MOV10L1: variants seen among roughly 807,000 people sequenced by gnomAD.
The protein encoded by MOV10L1 is Mov10 like RNA helicase 1.
In MOV10L1, 110 loss-of-function variants were observed where a neutral mutation model predicts 143.8. The ratio of observed to expected loss-of-function variants is 0.76; its 90% confidence interval spans 0.66 to 0.90. The LOEUF (loss-of-function observed/expected upper bound fraction) is 0.90. Ranked by LOEUF, MOV10L1 falls within the 40% of genes least tolerant of loss-of-function variation. The probability of loss-of-function intolerance (pLI) is 0.00; values close to 1 mark genes in which losing one functional copy is unlikely to be tolerated. For missense variants in MOV10L1, 1,406 were observed against 1,526.8 expected (o/e 0.92, Z 1.32); for synonymous variants, 593 against 581.1 (o/e 1.02, Z -0.29).
At chr22:50,161,251 A>G (rs570066821) in intron 26 of MOV10L1, 117 bp from the exon 27 acceptor site, 16 of 1,033,716 alleles carry the variant, frequency 1.5e-5, no homozygotes, top group East Asian at 1.3e-4. Context: ...CCTTTCCCAC[A>G]TAGGCTAACA....
At chr22:50,099,918 A>C (rs2062694480) in intron 3 of MOV10L1, among the ~76,000 whole-genome samples, 1 of 152,186 alleles carries the variant, frequency 6.6e-6, no homozygotes, top group Admixed American at 6.5e-5. Flanking sequence ...TGCTGGCTTC[A>C]CACAGAGGCT....
intron 5 of MOV10L1, chr22:50,109,670 CAAAA>C (rs35087419): frequency 2.9e-3 from 308 of 107,064 alleles, no homozygotes; most frequent in Middle Eastern, 8.4e-3. Flanking sequence ...GACTCCTTCT[CAAAA>C]AAAAAAAAAA....
intron 20 of MOV10L1, 52 bp downstream of exon 20, chr22:50,149,766 G>A: frequency 6.6e-7 from 1 of 1,519,378 alleles, no homozygotes; most frequent in South Asian, 1.2e-5. Flanking sequence ...GTTCTCCTGA[G>A]GGGATGCAGG....
chr22:50,161,151 A>C, intron 26 of MOV10L1, 96 bp downstream of exon 26: 1 of 1,294,144 alleles, frequency 7.7e-7, no homozygotes, highest in South Asian at 1.2e-5. Context: ...CCACTTACCC[A>C]CCTGCAGCCT....
intron 22 of MOV10L1, among the ~76,000 whole-genome samples, chr22:50,155,972 G>T (rs961946158): frequency 2.0e-5 from 3 of 152,186 alleles, no homozygotes; most frequent in Admixed American, 2.0e-4. Context: ...GATCACCTGA[G>T]CCTGGAGAGG....
chr22:50,117,045 G>A, intron 8 of MOV10L1, 112 bp from the exon 9 acceptor site: 1 of 903,312 alleles, frequency 1.1e-6, no homozygotes, highest in Non-Finnish European at 1.7e-6. Flanking sequence ...AATTATTGAA[G>A]ACTAAAGATG....
chr22:50,142,889 T>C (rs2063031527), intron 16 of MOV10L1, among the ~76,000 whole-genome samples, 154 bp from the exon 17 acceptor site: 1 of 152,038 alleles, frequency 6.6e-6, no homozygotes, highest in South Asian at 2.1e-4. Flanking sequence ...CCTGTGCGCA[T>C]CTTACCCCTG....
chr22:50,108,743 G>A lies in MOV10L1; in HGVS notation c.642G>A (p.Gly214=), dbSNP rs764814429. 13 of 1,614,202 alleles carry A rather than the reference G, an allele frequency of 8.1e-6. No homozygotes were observed. Among genetic ancestry groups the A allele is most frequent in the Admixed American group, 3.3e-5 (2 of 60,016 alleles). Residue 214 remains glycine (G), a synonymous_variant, in exon 5 of 27, where the codon GGG becomes GGA. Coordinates refer to ENST00000262794, the MANE Select transcript of MOV10L1 (RefSeq NM_018995.3). ...TGGACTCCTTGAAACTGCCAGATGG[G>A]TACACACCCCGGAGAGGTGACGTGG... is the stretch of plus-strand genomic sequence containing the variant. ...FTLDSLKLPD[G]YTPRRGDVVN...
At position 50,122,231 on chromosome 22, in the gene MOV10L1, G is replaced by C. The variant is rs1461614223; in HGVS notation, c.1569+1615G>C. On this transcript the variant is annotated intron_variant, in intron 10 of 26. Coordinates refer to ENST00000262794, the MANE Select transcript of MOV10L1 (RefSeq NM_018995.3). ...TTTATGTCTTCTTTAATTTCTTACA[G>C]CAGTGTTTTGTCATTTTCTCTGTAT... is the stretch of plus-strand genomic sequence containing the variant. Among the ~76,000 whole-genome samples the C allele has an allele frequency of 2.6e-5, 4 of 152,276 alleles. No homozygotes were observed. The East Asian group carries it at 7.7e-4, about 29-fold the overall frequency.
At chr22:50,151,762 C>G (rs1340295072) in intron 21 of MOV10L1, among the ~76,000 whole-genome samples, 1 of 152,192 alleles carries the variant, frequency 6.6e-6, no homozygotes, top group Admixed American at 6.5e-5. Context: ...GTGACGTGGC[C>G]GCAGCAGGAG....
intron 2 of MOV10L1, chr22:50,095,425 C>G (rs1420746120): frequency 1.3e-5 from 2 of 152,170 alleles, no homozygotes; most frequent in African/African-American, 4.8e-5. Flanking sequence ...CAAAGATTTC[C>G]TTTTGAACTT....
intron 5 of MOV10L1, among the ~76,000 whole-genome samples, chr22:50,110,441 T>G (rs1312019028): frequency 6.8e-6 from 1 of 146,574 alleles, no homozygotes; most frequent in Non-Finnish European, 1.5e-5. Flanking sequence ...AGAGTGACAC[T>G]CCATCTCAAA....
chr22:50,100,468 G>GGATGACAT (rs918096861), intron 3 of MOV10L1, among the ~76,000 whole-genome samples: 11 of 152,188 alleles, frequency 7.2e-5, no homozygotes, highest in African/African-American at 2.6e-4. Context: ...TAGGGCTTGG[G>GGATGACAT]GATGACATTG....
chr22:50,090,292 G>T (rs1278342865), intron 1 of MOV10L1, 107 bp downstream of exon 1: 3 of 1,444,828 alleles, frequency 2.1e-6, no homozygotes, highest in Non-Finnish European at 2.7e-6. Flanking sequence ...GGCAGGCAAC[G>T]CTGGGCCCGG....
At chr22:50,090,301 G>C in intron 1 of MOV10L1, 116 bp downstream of exon 1, 1 of 1,455,790 alleles carries the variant, frequency 6.9e-7, no homozygotes, top group Non-Finnish European at 9.1e-7. Flanking sequence ...CGCTGGGCCC[G>C]GCCTTTCCTC....
At chr22:50,125,716 T>G (rs9617086) in intron 11 of MOV10L1, 147 bp downstream of exon 11, 3 of 740,232 alleles carry the variant, frequency 4.1e-6, no homozygotes, top group Non-Finnish European at 6.5e-6. Flanking sequence ...CAGCAACCGA[T>G]GTACATCAAG....
At position 50,144,233 on chromosome 22, in the gene MOV10L1, G is replaced by A; in HGVS notation, c.2495G>A (p.Arg832Lys). 6.2e-7 allele frequency: 1 copy of A among 1,600,918 alleles called. No homozygotes were observed. Among genetic ancestry groups the A allele is most frequent in the Non-Finnish European group, 8.5e-7 (1 of 1,170,210 alleles). Reference sequence around the variant, plus strand: ...ATGGTCCGGGTGAACGCCACCTGCAGGTTCGAGGAGGTGAGCCCTTGGTGC... The same window carrying A: ...ATGGTCCGGGTGAACGCCACCTGCAAGTTCGAGGAGGTGAGCCCTTGGTGC... ...ATMVRVNATC[R>K]FEEIVIDAVK... Residue 832 changes from arginine (R) to lysine (K), a missense_variant, in exon 18 of 27, where the codon AGG becomes AAG. Physicochemically the swap from Arg to Lys is conservative, Grantham distance 26. Coordinates refer to ENST00000262794, the MANE Select transcript of MOV10L1 (RefSeq NM_018995.3).
rs943186305 is a variant in MOV10L1 at position 50,152,245 on chromosome 22, G to T, written c.2893-800G>T. Among the ~76,000 whole-genome samples the T allele has an allele frequency of 1.3e-5, 2 of 152,236 alleles. No homozygotes were observed. The highest frequency in any genetic ancestry group is 2.9e-5 in the Non-Finnish European group (2 of 68,030). ...TCTCCCCAGCAGTGTCTCCCCGAGG[G>T]ACAGTCAGTGACAGGAGGGCAGAGG... On this transcript the variant is annotated intron_variant, in intron 21 of 26. Coordinates refer to ENST00000262794, the MANE Select transcript of MOV10L1 (RefSeq NM_018995.3). The surrounding 1 kb of genome is among the most constrained non-coding windows in gnomAD (Gnocchi z 4.4).
In MOV10L1 at chr22:50,113,664, C is replaced by T; in HGVS notation, c.760C>T (p.His254Tyr). ...TTTTTTCAGAGACGCCGCCCCTGTT[C>T]ATGAGGCCACTCATTTCTATGGAAC... Reference protein sequence around the residue: ...LVKRRDAAPVHEATHFYGTIL... With the variant: ...LVKRRDAAPVYEATHFYGTIL... Residue 254 changes from histidine (H) to tyrosine (Y), a missense_variant, in exon 6 of 27, where the codon CAT becomes TAT. By Grantham distance (83) the His-to-Tyr change is moderately conservative. Around this residue, in one of 3 missense-constraint regions of MOV10L1, gnomAD observed 1,233 missense variants for 1,351.4 expected, o/e 0.91. Transcript: ENST00000262794. 1 of 1,613,798 alleles carries T rather than the reference C, an allele frequency of 6.2e-7. No homozygotes were observed. The highest frequency in any genetic ancestry group is 8.5e-7 in the Non-Finnish European group (1 of 1,179,904).
Sources: allele counts gnomAD v4.1 joint callset (sites outside exome capture counted in the v4.1 genomes callset), GRCh38; gene constraint gnomAD v4.1.1; regional missense constraint gnomAD v4.1.1; non-coding constraint Gnocchi (gnomAD v3.1); transcripts MANE v1.5; gene names NCBI Gene and HGNC (gene_info 2026-07-23, HGNC 2026-07-21).